FNDC3B: variants seen among roughly 807,000 people sequenced by gnomAD.
The protein encoded by FNDC3B is fibronectin type III domain containing 3B, also known as fibronectin type III domain-containing protein 3B.
FNDC3B carries 12 observed loss-of-function variants against 151.5 expected under a neutral mutation model. The ratio of observed to expected loss-of-function variants is 0.08; its 90% confidence interval spans 0.05 to 0.13. FNDC3B has a LOEUF of 0.13. Among genes scored for constraint, FNDC3B ranks in the 10% least tolerant of loss-of-function variants. The pLI is 1.00. For synonymous variants in FNDC3B, 528 were observed against 549.0 expected, an observed-to-expected ratio of 0.96 and a Z score of 0.54; for missense variants, 1,214 against 1,505.3, an observed-to-expected ratio of 0.81 and a Z score of 3.20.
At chr3:172,086,162 A>G (rs2108504742) in intron 1 of FNDC3B, among the ~76,000 whole-genome samples, 1 of 152,216 alleles carries the variant, frequency 6.6e-6, no homozygotes, top group South Asian at 2.1e-4. Context: ...GAAGTTTGAG[A>G]CTGGCCTGGG....
intron 20 of FNDC3B, 78 bp downstream of exon 20, chr3:172,346,518 T>A: frequency 1.2e-6 from 1 of 832,540 alleles, no homozygotes; most frequent in East Asian, 2.6e-5. Flanking sequence ...ATAAGGAAGC[T>A]GCAAATCCAA....
chr3:172,258,372 G>T (rs1019257694), intron 6 of FNDC3B, among the ~76,000 whole-genome samples: 8 of 151,930 alleles, frequency 5.3e-5, no homozygotes, highest in Admixed American at 5.2e-4. Context: ...CCTTATTACC[G>T]GTTCTTTGTA....
chr3:172,335,168 G>T, intron 15 of FNDC3B, 86 bp downstream of exon 15: 1 of 1,389,074 alleles, frequency 7.2e-7, no homozygotes. Context: ...GTAGTGACAA[G>T]CCAAAAAAAT....
chr3:172,155,735 A>G (rs1031149204), intron 3 of FNDC3B, among the ~76,000 whole-genome samples: 11 of 152,240 alleles, frequency 7.2e-5, no homozygotes, highest in Non-Finnish European at 1.6e-4. Flanking sequence ...TAAATATGTA[A>G]TAGGCCTATT....
chr3:172,124,415 C>T (rs1332524479), intron 2 of FNDC3B, among the ~76,000 whole-genome samples: 1 of 152,198 alleles, frequency 6.6e-6, no homozygotes, highest in Non-Finnish European at 1.5e-5. Flanking sequence ...TAAAGAGCCT[C>T]CATTAACAAG....
chr3:172,257,553 A>G (rs1419697730), intron 6 of FNDC3B, among the ~76,000 whole-genome samples: 1 of 143,606 alleles, frequency 7.0e-6, no homozygotes, highest in Non-Finnish European at 1.5e-5. Flanking sequence ...CACCCCTACC[A>G]CATCACACGC....
At chr3:172,378,618 G>A (rs1735277239) in intron 24 of FNDC3B, among the ~76,000 whole-genome samples, 182 bp downstream of exon 24, 1 of 152,148 alleles carries the variant, frequency 6.6e-6, no homozygotes, top group Admixed American at 6.5e-5. Flanking sequence ...TGAAAGGAAA[G>A]GGCCTACTGA....
intron 2 of FNDC3B, among the ~76,000 whole-genome samples, chr3:172,120,038 T>C (rs1452939027): frequency 6.6e-6 from 1 of 152,240 alleles, no homozygotes; most frequent in Non-Finnish European, 1.5e-5. Flanking sequence ...AGGCATAGCC[T>C]ATGCAGAATC....
At chr3:172,284,797 A>G (rs1200528591) in intron 6 of FNDC3B, among the ~76,000 whole-genome samples, 1 of 149,764 alleles carries the variant, frequency 6.7e-6, no homozygotes, top group African/African-American at 2.5e-5. Context: ...ATTTGGTTTC[A>G]TTCTTCCCAC....
intron 1 of FNDC3B, among the ~76,000 whole-genome samples, chr3:172,060,569 G>C (rs1038824235): frequency 5.3e-5 from 8 of 152,306 alleles, no homozygotes; most frequent in African/African-American, 1.7e-4. Flanking sequence ...TCAATCAGTA[G>C]TAGTATTTAT....
chr3:172,360,632 T>C (rs1455096438), intron 22 of FNDC3B, among the ~76,000 whole-genome samples: 1 of 152,162 alleles, frequency 6.6e-6, no homozygotes, highest in Non-Finnish European at 1.5e-5. Context: ...GAAGCTGAGG[T>C]TTATTTTCCT....
chr3:172,380,875 T>A, intron 24 of FNDC3B, 91 bp from the exon 25 acceptor site: 2 of 1,426,392 alleles, frequency 1.4e-6, no homozygotes, highest in Middle Eastern at 1.8e-4. Context: ...ACAATCTTGC[T>A]CTCTCTGGGT....
chr3:172,326,861 C>T (rs1032040464), intron 11 of FNDC3B, among the ~76,000 whole-genome samples: 4 of 151,792 alleles, frequency 2.6e-5, no homozygotes, highest in African/African-American at 9.7e-5. Context: ...GAAAGGAGAC[C>T]AAATAAAGAA....
Position 172,259,334 on chromosome 3 carries a change from A to G in FNDC3B, c.790+7793A>G, listed in dbSNP as rs577870973. The stretch of plus-strand genomic sequence containing the variant: ...CTTGGCAGGAAACTGGACAATTAAC[A>G]TCGCCACTTCCATTTCAAGCGTAGG... On this transcript the variant is annotated intron_variant, in intron 6 of 25. Coordinates refer to ENST00000415807, the MANE Select transcript of FNDC3B (RefSeq NM_022763.4). 2.0e-5 allele frequency among the ~76,000 whole-genome samples: 3 copies of G among 152,318 alleles called. No individual in the cohort carries two copies. In the East Asian group the frequency reaches 5.8e-4, roughly 29 times the overall value.
intron 6 of FNDC3B, among the ~76,000 whole-genome samples, chr3:172,265,434 A>G (rs1728877395): frequency 6.6e-6 from 1 of 152,190 alleles, no homozygotes; most frequent in Non-Finnish European, 1.5e-5. Context: ...TCAGGGGAGC[A>G]GTAGATCAAT....
chr3:172,295,296 C>A, intron 7 of FNDC3B, 67 bp from the exon 8 acceptor site: 1 of 1,448,676 alleles, frequency 6.9e-7, no homozygotes, highest in South Asian at 1.3e-5. Flanking sequence ...AGTTTTATGC[C>A]ACTACTAATA....
intron 3 of FNDC3B, among the ~76,000 whole-genome samples, chr3:172,169,189 C>T (rs1333990421): frequency 6.6e-6 from 1 of 152,128 alleles, no homozygotes; most frequent in Non-Finnish European, 1.5e-5. Context: ...CATGTCTGTC[C>T]AAAAGGTGCT....
At chr3:172,186,734 C>T (rs1045344752) in intron 3 of FNDC3B, 6 of 702,138 alleles carry the variant, frequency 8.5e-6, no homozygotes, top group Admixed American at 2.0e-5. Context: ...AGAGAGCCTG[C>T]GATTGAAGAT....
At chr3:172,296,957 A>G (rs1337132805) in intron 8 of FNDC3B, among the ~76,000 whole-genome samples, 2 of 152,114 alleles carry the variant, frequency 1.3e-5, no homozygotes, top group Non-Finnish European at 2.9e-5. Flanking sequence ...GAGTCTTTTC[A>G]TGCAAGATGA....
Sources: gnomAD v4.1 joint callset for allele counts (sites outside exome capture counted in the v4.1 genomes callset) on GRCh38, gnomAD v4.1.1 for gene constraint, MANE v1.5 for transcripts, NCBI Gene and HGNC (gene_info 2026-07-23, HGNC 2026-07-21) for gene names.